OSBPL10: variants seen among roughly 807,000 people sequenced by gnomAD.
OSBPL10 encodes oxysterol-binding protein-related protein 10.
Under a neutral mutation model 81.7 loss-of-function variants are expected in OSBPL10, and 49 were observed. The observed-to-expected ratio is 0.60, with a 90% CI of 0.48 to 0.76. The LOEUF is 0.76. Among genes scored for constraint, OSBPL10 ranks in the 30% least tolerant of loss-of-function variants. The pLI is 0.00. For missense variants in OSBPL10, 923 were observed against 987.8 expected, an observed-to-expected ratio of 0.93 and a Z score of 0.88; for synonymous variants, 419 against 383.6, an observed-to-expected ratio of 1.09 and a Z score of -1.08.
At chr3:31,975,663 G>C (rs965167124) in intron 1 of OSBPL10, among the ~76,000 whole-genome samples, 1 of 152,176 alleles carries the variant, frequency 6.6e-6, no homozygotes, top group Non-Finnish European at 1.5e-5. Context: ...TTTGCAGAGA[G>C]CAGGACAGAT....
At chr3:31,693,764 T>C (rs1288848839) in intron 7 of OSBPL10, among the ~76,000 whole-genome samples, 1 of 152,210 alleles carries the variant, frequency 6.6e-6, no homozygotes. Flanking sequence ...TGGTCTTTTA[T>C]TTAATTAAAT....
intron 1 of OSBPL10, among the ~76,000 whole-genome samples, chr3:31,929,832 A>C (rs1697185276): frequency 6.6e-6 from 1 of 151,850 alleles, no homozygotes; most frequent in Non-Finnish European, 1.5e-5. Flanking sequence ...CATGGTCAAC[A>C]GATACAGCCA....
chr3:31,812,728 AAG>A (rs1491090432), intron 4 of OSBPL10, among the ~76,000 whole-genome samples: 3 of 17,678 alleles, frequency 1.7e-4, no homozygotes, highest in South Asian at 2.5e-3. Flanking sequence ...AAAAGAAAGA[AAG>A]AAAGAAAGAA....
chr3:31,926,481 T>C (rs1369740876), intron 1 of OSBPL10, among the ~76,000 whole-genome samples: 2 of 152,104 alleles, frequency 1.3e-5, no homozygotes, highest in Non-Finnish European at 2.9e-5. Context: ...AGCCGTGGAA[T>C]AAACCAAAAA....
At chr3:31,891,209 C>A (rs183557186) in intron 1 of OSBPL10, among the ~76,000 whole-genome samples, 116 of 152,264 alleles carry the variant, frequency 7.6e-4, no homozygotes, top group Middle Eastern at 3.4e-3. Context: ...CCTAATTATG[C>A]CCTAGGCCAG....
intron 2 of OSBPL10, chr3:31,990,954 T>A: frequency 6.3e-7 from 1 of 1,575,208 alleles, no homozygotes; most frequent in Non-Finnish European, 8.6e-7. Context: ...ACAAATGTCA[T>A]AAGCGTGGCA....
At chr3:31,804,226 C>G (rs1459592589) in intron 4 of OSBPL10, among the ~76,000 whole-genome samples, 1 of 152,132 alleles carries the variant, frequency 6.6e-6, no homozygotes, top group African/African-American at 2.4e-5. Context: ...TTATTTATAT[C>G]AACACGAATC....
At chr3:31,724,263 T>G (rs1448761209) in intron 6 of OSBPL10, among the ~76,000 whole-genome samples, 4 of 152,164 alleles carry the variant, frequency 2.6e-5, no homozygotes, top group African/African-American at 9.7e-5. Context: ...TAGGAGAGAT[T>G]ATACCACTCG....
chr3:31,809,786 A>C (rs949741239), intron 4 of OSBPL10, among the ~76,000 whole-genome samples: 1 of 152,080 alleles, frequency 6.6e-6, no homozygotes, highest in African/African-American at 2.4e-5. Flanking sequence ...CTGCCGTATC[A>C]GTGGAGAAAA....
Position 31,691,338 on chromosome 3 carries a change from G to A in OSBPL10, c.1246-7224C>T, listed in dbSNP as rs577106763. Among the ~76,000 whole-genome samples the A allele has an allele frequency of 2.6e-5, 4 of 152,266 alleles. No individual in the cohort carries two copies. In the East Asian group the frequency reaches 7.7e-4, roughly 29 times the overall value. ...CCATAGGGGAAGGCGAAGGACACTT[G>A]GAAGGAGGGACAGTCCCCTCCCCAC... On this transcript the variant is annotated intron_variant, in intron 7 of 11. Coordinates refer to ENST00000396556, the MANE Select transcript of OSBPL10 (RefSeq NM_017784.5).
At chr3:31,830,663 G>A (rs756380865) in intron 3 of OSBPL10, among the ~76,000 whole-genome samples, 69 of 152,180 alleles carry the variant, frequency 4.5e-4, no homozygotes, top group Non-Finnish European at 9.1e-4. Flanking sequence ...TGGCTTTCTC[G>A]GCCTCTCTGC....
At chr3:31,940,874 G>A (rs1697517225) in intron 1 of OSBPL10, among the ~76,000 whole-genome samples, 1 of 152,006 alleles carries the variant, frequency 6.6e-6, no homozygotes, top group Non-Finnish European at 1.5e-5. Flanking sequence ...TCCTGACCTC[G>A]TGATCCACCC....
chr3:31,820,647 T>C (rs1252743372), intron 4 of OSBPL10, among the ~76,000 whole-genome samples: 1 of 151,728 alleles, frequency 6.6e-6, no homozygotes, highest in Admixed American at 6.6e-5. Context: ...AAAATATAGA[T>C]AGGTATAAAG....
intron 3 of OSBPL10, among the ~76,000 whole-genome samples, chr3:31,836,671 C>T (rs1700363810): frequency 6.6e-6 from 1 of 152,068 alleles, no homozygotes; most frequent in African/African-American, 2.4e-5. Flanking sequence ...TGTCCTTGGG[C>T]ATCTGACCCC....
chr3:31,857,753 C>T (rs1438819719), intron 3 of OSBPL10, among the ~76,000 whole-genome samples: 1 of 1,618 alleles, frequency 6.2e-4, no homozygotes, highest in African/African-American at 2.4e-3. Flanking sequence ...ACTAGCCTCT[C>T]GTGTGTCCTT....
intron 4 of OSBPL10, among the ~76,000 whole-genome samples, chr3:31,750,262 C>T (rs1485019355): frequency 6.6e-6 from 1 of 152,208 alleles, no homozygotes; most frequent in African/African-American, 2.4e-5. Flanking sequence ...TTATTCTCCA[C>T]AGCATTTACC....
In OSBPL10 at chr3:31,965,746, AAT is replaced by A. The variant is rs1264827912; in HGVS notation, c.281+15151_281+15152del. On this transcript the variant is annotated intron_variant, in intron 1 of 11. Transcript: ENST00000396556. ...TATAATATATATTATCTATTTATAT[AAT>A]ATATATTATATTAAAAGATAATATA... Among the ~76,000 whole-genome samples the A allele has an allele frequency of 7.2e-5, 5 of 69,486 alleles. 2 individuals carry two copies. The highest frequency in any genetic ancestry group is 9.5e-5 in the Non-Finnish European group (4 of 42,224). The allele number at this position is 69,486 out of a possible 152,430, so 45.6% of individuals were successfully genotyped here. A position where few individuals can be genotyped will look rare whatever the true frequency, so the allele number is the denominator to read the frequency against.
intron 5 of OSBPL10, among the ~76,000 whole-genome samples, chr3:31,739,598 A>G (rs1697278752): frequency 6.6e-6 from 1 of 152,234 alleles, no homozygotes. Flanking sequence ...GACATACCAG[A>G]GCTCGGTTGC....
chr3:32,009,004 A>T (rs898033515), intron 2 of OSBPL10, among the ~76,000 whole-genome samples: 1 of 152,236 alleles, frequency 6.6e-6, no homozygotes, highest in Non-Finnish European at 1.5e-5. Flanking sequence ...ACTGGGGATG[A>T]GCCAGGAAGA....
Sources: allele counts gnomAD v4.1 joint callset (sites outside exome capture counted in the v4.1 genomes callset), GRCh38; gene constraint gnomAD v4.1.1; transcripts MANE v1.5; gene names NCBI Gene and HGNC (gene_info 2026-07-23, HGNC 2026-07-21).